GCG: variants seen among roughly 807,000 people sequenced by gnomAD.
GCG encodes glucagon, also known as pro-glucagon.
In GCG, 11 loss-of-function variants were observed where a neutral mutation model predicts 22.8. The observed-to-expected ratio is 0.48, with a 90% CI of 0.30 to 0.80. The LOEUF is 0.80. GCG is among the 30% of genes least tolerant of loss of function. GCG has a pLI of 0.06. For synonymous variants in GCG, 89 were observed against 72.4 expected, an observed-to-expected ratio of 1.23 and a Z score of -1.16; for missense variants, 222 against 222.0, an observed-to-expected ratio of 1.00 and a Z score of 0.00.
In GCG at chr2:162,146,709, T is replaced by C. The variant is rs543436330; in HGVS notation, c.254+644A>G. On this transcript the variant is annotated intron_variant, in intron 3 of 5. Transcript: ENST00000418842. ...TGTGGGCCACCCTCCAAAAAAATTG[T>C]GAAATTCCACCATCTCTGTGAAACC... is the stretch of plus-strand genomic sequence containing the variant. 2.0e-5 allele frequency among the ~76,000 whole-genome samples: 3 copies of C among 152,184 alleles called. No homozygotes were observed. In the East Asian group the frequency reaches 5.8e-4, roughly 29 times the overall value.
At position 162,152,182 on chromosome 2, in the gene GCG, G is replaced by C. The variant is rs961589385; in HGVS notation, c.-34C>G. On this transcript the variant is annotated 5_prime_UTR_variant, in exon 1 of 6. Transcript: ENST00000418842. ...CCTTCTGGTAGTGTGCTGTAGAACA[G>C]AGCAGGTGAAGAGAGAGCAAGCCCT... 4.6e-5 allele frequency: 7 copies of C among 152,570 alleles called. No individual in the cohort carries two copies. Among genetic ancestry groups the C allele is most frequent in the Admixed American group, 6.6e-5 (1 of 15,256 alleles). 9.5% of individuals were successfully genotyped at this position (152,570 alleles called of 1,614,324 possible).
intron 5 of GCG, 107 bp downstream of exon 5, chr2:162,143,920 T>TAAGAGA: frequency 1.2e-6 from 1 of 846,002 alleles, no homozygotes; most frequent in Non-Finnish European, 2.0e-6. Flanking sequence ...TCCTATATAA[T>TAAGAGA]AAGAGATTAT....
At chr2:162,149,313 C>T (rs1173661796) in intron 1 of GCG, 126 bp from the exon 2 acceptor site, 3 of 583,804 alleles carry the variant, frequency 5.1e-6, no homozygotes, top group Admixed American at 6.6e-5. Flanking sequence ...AGTGTTATCA[C>T]TTTTATTCTG....
At chr2:162,147,716 T>G (rs560368854) in intron 2 of GCG, 3 of 627,382 alleles carry the variant, frequency 4.8e-6, no homozygotes, top group Non-Finnish European at 8.5e-6. Context: ...GCTATTATTC[T>G]GAATTCTAGA....
chr2:162,146,538 TTCTCTC>T (rs59717414), intron 3 of GCG, among the ~76,000 whole-genome samples: 8,547 of 133,402 alleles, frequency 0.064, 322 homozygotes, highest in East Asian at 0.2. Flanking sequence ...TGCTTGCTTG[TTCTCTC>T]TCTCTCTCTC....
chr2:162,147,303 C>A (rs1236055317), intron 3 of GCG, 50 bp downstream of exon 3: 5 of 1,357,600 alleles, frequency 3.7e-6, no homozygotes, highest in East Asian at 2.3e-5. Flanking sequence ...AAATTTTAGA[C>A]CTATTTAATA....
At chr2:162,146,566 CTCTCTCT>C (rs1686691095) in intron 3 of GCG, among the ~76,000 whole-genome samples, 12 of 136,094 alleles carry the variant, frequency 8.8e-5, no homozygotes, top group African/African-American at 4.4e-4. Flanking sequence ...CTCTCTCTCT[CTCTCTCT>C]CCTTTCTTAC....
chr2:162,147,993 A>G (rs376153243), intron 2 of GCG, among the ~76,000 whole-genome samples: 2 of 152,114 alleles, frequency 1.3e-5, no homozygotes, highest in East Asian at 3.8e-4. Context: ...AGTTCAAAGA[A>G]AGGCAAGAAA....
At chr2:162,149,443 C>T (rs1686779856) in intron 1 of GCG, among the ~76,000 whole-genome samples, 1 of 152,052 alleles carries the variant, frequency 6.6e-6, no homozygotes, top group Non-Finnish European at 1.5e-5. Flanking sequence ...TGTAGGGACA[C>T]TTCTGTTTAA....
chr2:162,145,780 G>C (rs1686668846), intron 3 of GCG, 103 bp from the exon 4 acceptor site: 5 of 852,876 alleles, frequency 5.9e-6, no homozygotes, highest in African/African-American at 3.4e-5. Flanking sequence ...ATGTAGAAGG[G>C]GCTTAGGGAG....
chr2:162,147,218 A>G, intron 3 of GCG, 135 bp downstream of exon 3: 2 of 726,254 alleles, frequency 2.8e-6, no homozygotes, highest in East Asian at 2.5e-5. Flanking sequence ...AGCATCCCCA[A>G]CCCTAAACAT....
At chr2:162,144,268 A>G in intron 4 of GCG, 98 bp from the exon 5 acceptor site, 1 of 963,588 alleles carries the variant, frequency 1.0e-6, no homozygotes, top group Non-Finnish European at 1.7e-6. Flanking sequence ...TGTCTTGAGG[A>G]AACAGTAAAG....
chr2:162,143,940 C>T, intron 5 of GCG, 87 bp downstream of exon 5: 2 of 1,097,204 alleles, frequency 1.8e-6, no homozygotes, highest in African/African-American at 1.5e-5. Context: ...TAGACTTTCC[C>T]CCTACATGGG....
In GCG at chr2:162,147,222, T is replaced by C. The variant is rs542301486; in HGVS notation, c.254+131A>G. The C allele has an allele frequency of 2.3e-5, 17 of 750,472 alleles. No individual in the cohort carries two copies. The East Asian group carries it at 3.5e-4, about 15-fold the overall frequency. The allele number at this position is 750,472 out of a possible 1,614,324, so 46.5% of individuals were successfully genotyped here. A position where few individuals can be genotyped will look rare whatever the true frequency, so the allele number is the denominator to read the frequency against. The stretch of plus-strand genomic sequence containing the variant: ...ATACTAAGGAGAGCATCCCCAACCC[T>C]AAACATCTTCAAAATGATCAGGGCT... On this transcript the variant is annotated intron_variant, in intron 3 of 5. Transcript: ENST00000418842.
At chr2:162,143,796 T>C (rs1369203901) in intron 5 of GCG, 2 of 545,578 alleles carry the variant, frequency 3.7e-6, no homozygotes, top group Non-Finnish European at 6.5e-6. Flanking sequence ...TTCTTGACTC[T>C]AATAGACACT....
At chr2:162,146,538 TTCTCTCTCTCTCTCTCTC>T (rs59717414) in intron 3 of GCG, among the ~76,000 whole-genome samples, 3 of 133,514 alleles carry the variant, frequency 2.2e-5, no homozygotes, top group Non-Finnish European at 4.6e-5. Flanking sequence ...TGCTTGCTTG[TTCTCTCTCTCTCTCTCTC>T]TCTCTCTCTC....
chr2:162,147,153 G>A (rs1280644252), intron 3 of GCG, among the ~76,000 whole-genome samples, 200 bp downstream of exon 3: 3 of 152,076 alleles, frequency 2.0e-5, no homozygotes, highest in African/African-American at 4.8e-5. Flanking sequence ...TGGAGGTTGG[G>A]TAAGTGGTTT....
intron 4 of GCG, 77 bp downstream of exon 4, chr2:162,145,463 A>G (rs986794066): frequency 3.4e-5 from 39 of 1,154,142 alleles, no homozygotes; most frequent in Non-Finnish European, 4.3e-5. Context: ...TGTAATCCAG[A>G]TCCATATATA....
intron 3 of GCG, among the ~76,000 whole-genome samples, chr2:162,146,540 CT>C (rs1686689010): frequency 1.0e-4 from 3 of 29,096 alleles, no homozygotes; most frequent in Non-Finnish European, 1.9e-4. Context: ...CTTGCTTGTT[CT>C]CTCTCTCTCT....
Sources: gnomAD v4.1 joint callset for allele counts (sites outside exome capture counted in the v4.1 genomes callset) on GRCh38, gnomAD v4.1.1 for gene constraint, MANE v1.5 for transcripts, NCBI Gene and HGNC (gene_info 2026-07-23, HGNC 2026-07-21) for gene names.